The following MAPK4 variants were observed in gnomAD, a reference collection of about 807,000 sequenced individuals.
MAPK4 encodes Erk3-related.
MAPK4 carries 22 observed loss-of-function variants against 47.7 expected under a neutral mutation model. The ratio of observed to expected loss-of-function variants is 0.46; its 90% CI spans 0.33 to 0.66. The LOEUF (loss-of-function observed/expected upper bound fraction) is 0.66, where lower values mean the gene tolerates loss of function less well. Among genes scored for constraint, MAPK4 ranks in the 30% least tolerant of loss-of-function variants. The probability of loss-of-function intolerance (pLI) is 0.02; values close to 1 mark genes in which losing one functional copy is unlikely to be tolerated. For missense variants in MAPK4, 736 were observed against 831.7 expected, an observed-to-expected ratio of 0.88 and a Z score of 1.42; for synonymous variants, 390 against 365.7, an observed-to-expected ratio of 1.07 and a Z score of -0.76.
chr18:50,604,215 G>A (rs777286211), intron 1 of MAPK4, among the ~76,000 whole-genome samples: 1 of 152,200 alleles, frequency 6.6e-6, no homozygotes, highest in Non-Finnish European at 1.5e-5. Context: ...TTATAGTGAT[G>A]ATTTTGAGTT....
Position 50,729,716 on chromosome 18 carries a change from C to G in MAPK4, c.1626C>G (p.Phe542Leu). ...GASPQFDLDV[F>L]ISRALKLCTK... ...GCCCCCAGTTCGACCTGGACGTGTT[C>G]ATCTCCCGCGCCCTGAAGCTCTGCA... Residue 542 changes from phenylalanine to leucine, a missense_variant, in exon 6 of 6, where the codon TTC (phenylalanine) becomes TTG (leucine). Physicochemically the swap from Phe to Leu is conservative, Grantham distance 22. Around this residue, in one of 3 missense-constraint regions of MAPK4, gnomAD observed 377 missense variants for 378.6 expected, o/e 1.00. Transcript: ENST00000400384. 2 of 1,580,862 alleles carry G rather than the reference C, an allele frequency of 1.3e-6. No individual in the cohort carries two copies. The highest frequency in any genetic ancestry group is 1.7e-6 in the Non-Finnish European group (2 of 1,164,844).
chr18:50,618,129 C>A (rs778260016), intron 1 of MAPK4, among the ~76,000 whole-genome samples: 1 of 152,080 alleles, frequency 6.6e-6, no homozygotes, highest in Non-Finnish European at 1.5e-5. Context: ...AAAGTTTAGC[C>A]CCCTTCCCCA....
At chr18:50,702,090 A>C (rs1379112650) in intron 2 of MAPK4, among the ~76,000 whole-genome samples, 2 of 136,330 alleles carry the variant, frequency 1.5e-5, no homozygotes. Context: ...TGAGCCCAGG[A>C]GGCGGAGGTT....
intron 2 of MAPK4, among the ~76,000 whole-genome samples, chr18:50,712,461 T>A (rs140643865): frequency 1.3e-5 from 2 of 151,886 alleles, no homozygotes; most frequent in Non-Finnish European, 2.9e-5. Flanking sequence ...AAATCCACTT[T>A]ATGTTTTTTT....
chr18:50,691,458 C>T (rs912437430), intron 2 of MAPK4, among the ~76,000 whole-genome samples: 20 of 152,174 alleles, frequency 1.3e-4, no homozygotes, highest in Admixed American at 1.0e-3. Flanking sequence ...GATTCATGCT[C>T]AGTTGAAATT....
intron 2 of MAPK4, among the ~76,000 whole-genome samples, chr18:50,683,107 G>T (rs1908673875): frequency 6.6e-6 from 1 of 151,794 alleles, no homozygotes; most frequent in South Asian, 2.1e-4. Context: ...ATATTTTGAG[G>T]ATGATGAATA....
intron 2 of MAPK4, among the ~76,000 whole-genome samples, chr18:50,674,900 A>G (rs1908171353): frequency 6.6e-6 from 1 of 152,174 alleles, no homozygotes; most frequent in African/African-American, 2.4e-5. Context: ...CTGCCTTTCT[A>G]TTGAATAAGC....
chr18:50,728,456 C>G (rs1264750762), intron 5 of MAPK4, among the ~76,000 whole-genome samples: 2 of 152,202 alleles, frequency 1.3e-5, no homozygotes, highest in African/African-American at 4.8e-5. Context: ...CCAAGCAGAT[C>G]CACCAGGGCA....
chr18:50,631,531 C>G (rs533552610), intron 1 of MAPK4, among the ~76,000 whole-genome samples: 1 of 152,198 alleles, frequency 6.6e-6, no homozygotes, highest in Non-Finnish European at 1.5e-5. Context: ...CTTAGCGTCT[C>G]CTAAGTGTGA....
chr18:50,642,898 C>T (rs1232502113), intron 1 of MAPK4, among the ~76,000 whole-genome samples: 1 of 152,210 alleles, frequency 6.6e-6, no homozygotes, highest in African/African-American at 2.4e-5. Context: ...AGCCACCACG[C>T]CTGTCCTGCA....
chr18:50,611,341 G>T (rs770754599), intron 1 of MAPK4, among the ~76,000 whole-genome samples: 1 of 152,140 alleles, frequency 6.6e-6, no homozygotes, highest in Non-Finnish European at 1.5e-5. Flanking sequence ...GCCTTCCTTG[G>T]CATCTTCTTC....
intron 4 of MAPK4, among the ~76,000 whole-genome samples, chr18:50,723,637 C>G (rs2144479529): frequency 6.6e-6 from 1 of 152,228 alleles, no homozygotes; most frequent in East Asian, 1.9e-4. Flanking sequence ...CCGAGGCGGG[C>G]AGACCTCTTG....
intron 1 of MAPK4, among the ~76,000 whole-genome samples, chr18:50,648,532 G>A (rs193266520): frequency 6.6e-6 from 1 of 152,314 alleles, no homozygotes; most frequent in African/African-American, 2.4e-5. Flanking sequence ...ATGCAGGAGG[G>A]CGGCAGAGAG....
chr18:50,637,737 G>A (rs1343425452), intron 1 of MAPK4, among the ~76,000 whole-genome samples: 1 of 152,202 alleles, frequency 6.6e-6, no homozygotes, highest in Non-Finnish European at 1.5e-5. Flanking sequence ...CACAGTGTTG[G>A]TGGGTTGGTT....
intron 2 of MAPK4, among the ~76,000 whole-genome samples, chr18:50,677,343 C>T (rs1403834300): frequency 1.3e-5 from 2 of 152,232 alleles, no homozygotes; most frequent in East Asian, 1.9e-4. Context: ...GTAAAATGAA[C>T]ATTCATGGTT....
At chr18:50,640,867 G>T (rs3894010) in intron 1 of MAPK4, among the ~76,000 whole-genome samples, 88,793 of 152,038 alleles carry the variant, frequency 0.58, 26,496 homozygotes, top group East Asian at 0.82. Flanking sequence ...GTCAGGGAAG[G>T]AGAGGAAGGG....
chr18:50,602,620 T>C (rs1056804910), intron 1 of MAPK4, among the ~76,000 whole-genome samples: 2 of 152,226 alleles, frequency 1.3e-5, no homozygotes, highest in African/African-American at 4.8e-5. Context: ...CCAGAGGTAG[T>C]TATTCAGCAT....
chr18:50,588,705 C>G (rs1480132734), intron 1 of MAPK4, among the ~76,000 whole-genome samples: 1 of 152,156 alleles, frequency 6.6e-6, no homozygotes, highest in Non-Finnish European at 1.5e-5. Flanking sequence ...CAGGCACAAG[C>G]CACCATGCCC....
intron 1 of MAPK4, among the ~76,000 whole-genome samples, chr18:50,589,553 G>A (rs1485329119): frequency 1.4e-5 from 2 of 143,788 alleles, no homozygotes; most frequent in African/African-American, 5.2e-5. Flanking sequence ...CCGAGATCGC[G>A]CCACTGCACT....
Sources: allele counts gnomAD v4.1 joint callset (sites outside exome capture counted in the v4.1 genomes callset), GRCh38; gene constraint gnomAD v4.1.1; regional missense constraint gnomAD v4.1.1; transcripts MANE v1.5; gene names NCBI Gene and HGNC (gene_info 2026-07-23, HGNC 2026-07-21).